The following DDX10 variants were observed in gnomAD, a reference collection of about 807,000 sequenced individuals.
The protein encoded by DDX10 is DEAD-box helicase 10, also known as probable ATP-dependent RNA helicase DDX10.
A neutral mutation model predicts 104.3 loss-of-function variants in DDX10; 74 were observed. The ratio of observed to expected loss-of-function variants is 0.71; its 90% CI spans 0.59 to 0.86. The LOEUF (loss-of-function observed/expected upper bound fraction) is 0.86, where lower values mean the gene tolerates loss of function less well. Ranked by LOEUF, DDX10 falls within the 40% of genes least tolerant of loss-of-function variation. DDX10 has a pLI of 0.00. For synonymous variants in DDX10, 351 were observed against 353.4 expected (o/e 0.99, Z 0.08); for missense variants, 952 against 1,040.0 (o/e 0.92, Z 1.16).
intron 17 of DDX10, chr11:108,921,441 G>A (rs934753267): frequency 3.3e-5 from 5 of 152,108 alleles, no homozygotes; most frequent in East Asian, 1.9e-4. Flanking sequence ...GTATGATTAC[G>A]TGCTAAGATC....
chr11:108,830,626 G>A (rs1253656352), intron 13 of DDX10, among the ~76,000 whole-genome samples: 1 of 152,134 alleles, frequency 6.6e-6, no homozygotes, highest in Non-Finnish European at 1.5e-5. Flanking sequence ...TCTTGTTCCA[G>A]TTCTCAGGGG....
chr11:108,829,138 C>CA (rs1259758048), intron 13 of DDX10, among the ~76,000 whole-genome samples: 3 of 152,220 alleles, frequency 2.0e-5, no homozygotes, highest in African/African-American at 7.2e-5. Flanking sequence ...AAAAGTACAT[C>CA]AAATGGATCT....
At chr11:108,851,630 T>C (rs1862793962) in intron 15 of DDX10, among the ~76,000 whole-genome samples, 1 of 152,180 alleles carries the variant, frequency 6.6e-6, no homozygotes, top group Admixed American at 6.5e-5. Context: ...CTGTTAATGT[T>C]TAACCCCTGA....
chr11:108,833,069 A>G (rs1333126833), intron 13 of DDX10, among the ~76,000 whole-genome samples: 3 of 152,358 alleles, frequency 2.0e-5, no homozygotes, highest in Admixed American at 1.3e-4. Context: ...ATTAAAAAGA[A>G]TGACGTGGAA....
At chr11:108,772,863 A>G (rs1436072842) in intron 13 of DDX10, among the ~76,000 whole-genome samples, 1 of 152,220 alleles carries the variant, frequency 6.6e-6, no homozygotes, top group Non-Finnish European at 1.5e-5. Flanking sequence ...ATTGTCTTCC[A>G]CAAGAATAGT....
At chr11:108,807,520 G>A (rs1191324828) in intron 13 of DDX10, among the ~76,000 whole-genome samples, 2 of 152,132 alleles carry the variant, frequency 1.3e-5, no homozygotes, top group Non-Finnish European at 2.9e-5. Flanking sequence ...ATAAGAAAAT[G>A]AATTGACTAG....
intron 13 of DDX10, among the ~76,000 whole-genome samples, chr11:108,763,352 G>A (rs1405325878): frequency 6.6e-6 from 1 of 151,852 alleles, no homozygotes; most frequent in African/African-American, 2.4e-5. Flanking sequence ...TCTCTTCTTG[G>A]TTTAATAAGA....
rs538716340 is a variant in DDX10, at chr11:108,856,110, G to A, written c.2304+3901G>A. Among the ~76,000 whole-genome samples, 19 of 152,224 alleles carry A rather than the reference G, an allele frequency of 1.2e-4. No homozygotes were observed. The South Asian group carries it at 3.7e-3, about 30-fold the overall frequency. ...GAAGTTAGAGCTCTCAGAATAGGAG[G>A]TCTGAAGAAGTAGTAGTTAATTAAT... is the stretch of plus-strand genomic sequence containing the variant. On this transcript the variant is annotated intron_variant, in intron 16 of 17. Transcript: ENST00000322536.
intron 12 of DDX10, among the ~76,000 whole-genome samples, chr11:108,721,913 T>C (rs145045295): frequency 4.0e-3 from 607 of 152,310 alleles, no homozygotes; most frequent in Non-Finnish European, 7.1e-3. Flanking sequence ...TGAAATTCTC[T>C]GGATGAGTTT....
intron 13 of DDX10, chr11:108,767,358 C>A (rs1232696286): frequency 6.6e-6 from 1 of 152,208 alleles, no homozygotes; most frequent in African/African-American, 2.4e-5. Context: ...TGTCTCCTTT[C>A]CAATTCCAAT....
At chr11:108,790,466 A>G (rs1361851336) in intron 13 of DDX10, among the ~76,000 whole-genome samples, 1 of 152,148 alleles carries the variant, frequency 6.6e-6, no homozygotes, top group Non-Finnish European at 1.5e-5. Context: ...ATTGTAGCCA[A>G]CTCTTTATCA....
In DDX10 at chr11:108,678,425, C is replaced by T; in HGVS notation, c.648C>T (p.Leu216=). Residue 216 remains leucine, a synonymous_variant, in exon 5 of 18, where the codon CTC becomes CTT. Coordinates refer to ENST00000322536, the MANE Select transcript of DDX10 (RefSeq NM_004398.4). The part of the protein sequence containing the change: ...DETVSFHATD[L]QMLVLDEADR... ...CAGTATCTTTTCATGCTACCGACCT[C>T]CAAATGTTAGGTGAGTCAAATCAAT... 6.3e-7 allele frequency: 1 copy of T among 1,596,422 alleles called. No individual in the cohort carries two copies. Among genetic ancestry groups the T allele is most frequent in the Non-Finnish European group, 8.5e-7 (1 of 1,172,498 alleles).
chr11:108,706,698 AT>A, intron 9 of DDX10, 40 bp from the exon 10 acceptor site: 1 of 1,440,640 alleles, frequency 6.9e-7, no homozygotes, highest in Non-Finnish European at 9.8e-7. Context: ...TAAAATGCAG[AT>A]TGCATTGATG....
At chr11:108,838,248 A>T (rs1450751897) in intron 13 of DDX10, 198 bp from the exon 14 acceptor site, 6 of 439,688 alleles carry the variant, frequency 1.4e-5, no homozygotes, top group Non-Finnish European at 2.4e-5. Flanking sequence ...ATTAATGCTT[A>T]AACTCTTTTA....
chr11:108,800,668 TA>T (rs377105280), intron 13 of DDX10, among the ~76,000 whole-genome samples: 367 of 152,316 alleles, frequency 2.4e-3, no homozygotes, highest in African/African-American at 8.4e-3. Context: ...TGACAATCAA[TA>T]TGGGAAACTA....
chr11:108,712,640 T>G (rs1164511150), intron 10 of DDX10, among the ~76,000 whole-genome samples: 1 of 152,158 alleles, frequency 6.6e-6, no homozygotes, highest in Admixed American at 6.5e-5. Flanking sequence ...AAAGCATACA[T>G]AAGCGTATAT....
rs535083306 is a variant in DDX10, at chr11:108,795,935, T to G, written c.1966-42511T>G. Among the ~76,000 whole-genome samples the G allele has an allele frequency of 2.6e-5, 4 of 152,332 alleles. No individual in the cohort carries two copies. The South Asian group carries it at 6.2e-4, about 24-fold the overall frequency. On this transcript the variant is annotated intron_variant, in intron 13 of 17. Coordinates refer to ENST00000322536, the MANE Select transcript of DDX10 (RefSeq NM_004398.4). ...ATCTCCACACTGTCTTCCACAATGGTCGAACTAGTTTACACTTGTGGGAGG... is the reference window on the plus strand; with the variant it reads ...ATCTCCACACTGTCTTCCACAATGGGCGAACTAGTTTACACTTGTGGGAGG...
At chr11:108,755,032 C>T (rs937829668) in intron 13 of DDX10, among the ~76,000 whole-genome samples, 2 of 151,926 alleles carry the variant, frequency 1.3e-5, no homozygotes, top group Non-Finnish European at 2.9e-5. Flanking sequence ...CAGATGCTGT[C>T]GATGGGGAAT....
chr11:108,734,355 C>G (rs905158981), intron 13 of DDX10, among the ~76,000 whole-genome samples: 1 of 152,140 alleles, frequency 6.6e-6, no homozygotes, highest in Non-Finnish European at 1.5e-5. Flanking sequence ...GGTGTCTTTT[C>G]TGTTTTTTGG....
Sources: gnomAD v4.1 joint callset for allele counts (sites outside exome capture counted in the v4.1 genomes callset) on GRCh38, gnomAD v4.1.1 for gene constraint, MANE v1.5 for transcripts, NCBI Gene and HGNC (gene_info 2026-07-23, HGNC 2026-07-21) for gene names.